MASP1: variants seen among roughly 807,000 people sequenced by gnomAD.
MASP1 encodes MBL associated serine protease 1.
MASP1 carries 59 observed loss-of-function variants against 77.1 expected under a neutral mutation model. The ratio of observed to expected loss-of-function variants is 0.77; its 90% CI spans 0.62 to 0.95. MASP1 has a LOEUF of 0.95. Ranked by LOEUF, MASP1 falls within the 40% of genes least tolerant of loss-of-function variation. MASP1 has a pLI of 0.00. For missense variants in MASP1, 885 were observed against 912.9 expected (o/e 0.97, Z 0.39); for synonymous variants, 362 against 354.5 (o/e 1.02, Z -0.24).
Position 187,234,346 on chromosome 3 carries a change from A to C in MASP1, c.*1338T>G, listed in dbSNP as rs990058007. The C allele has an allele frequency of 4.7e-6, 6 of 1,287,006 alleles. No homozygotes were observed. In the African/African-American group the frequency reaches 9.1e-5, roughly 20 times the overall value. The allele number at this position is 1,287,006 out of a possible 1,614,324, so 79.7% of individuals were successfully genotyped here. The stretch of plus-strand genomic sequence containing the variant: ...AGAGAGAGCTCCAGGGAGAAGGAGA[A>C]CAATCAGCCCTGTGAGGGCCAGAGA... On this transcript the variant is annotated 3_prime_UTR_variant, in exon 11 of 11. Coordinates refer to ENST00000296280, the MANE Select transcript of MASP1 (RefSeq NM_139125.4).
downstream of MASP1, among the ~76,000 whole-genome samples, chr3:187,230,686 A>C (rs1031737288): frequency 2.6e-5 from 4 of 152,112 alleles, no homozygotes; most frequent in African/African-American, 9.7e-5. Context: ...ACACGCTCCC[A>C]CATACACACT....
rs117441669 is a variant in MASP1, at chr3:187,265,990, A to T, written c.238-3270T>A. Reference sequence around the variant, plus strand: ...ATATGGAGTTCTATAAAGATCATTTACCTCTGAGTATAGGCAGATTGAGAC... The same window carrying T: ...ATATGGAGTTCTATAAAGATCATTTTCCTCTGAGTATAGGCAGATTGAGAC... On this transcript the variant is annotated intron_variant, in intron 2 of 10. Coordinates refer to ENST00000296280, the MANE Select transcript of MASP1 (RefSeq NM_139125.4). 6.9e-4 allele frequency among the ~76,000 whole-genome samples: 105 copies of T among 152,258 alleles called. 3 individuals are homozygous for T. The East Asian group carries it at 0.017, about 24-fold the overall frequency.
At chr3:187,275,313 CAG>C (rs775921627) in intron 2 of MASP1, among the ~76,000 whole-genome samples, 1 of 152,156 alleles carries the variant, frequency 6.6e-6, no homozygotes, top group African/African-American at 2.4e-5. Flanking sequence ...TGTCTTCCAG[CAG>C]AGTTTCAAGG....
chr3:187,270,168 C>G (rs984487521), intron 2 of MASP1, among the ~76,000 whole-genome samples: 2 of 152,224 alleles, frequency 1.3e-5, no homozygotes, highest in African/African-American at 4.8e-5. Flanking sequence ...AAGCAGTATA[C>G]TATTTCCAAA....
chr3:187,253,092 C>T, intron 6 of MASP1, 76 bp downstream of exon 6: 3 of 1,591,734 alleles, frequency 1.9e-6, no homozygotes, highest in Non-Finnish European at 2.6e-6. Flanking sequence ...CAAGCCTGCA[C>T]ACCTCCTCCC....
chr3:187,268,422 A>C (rs1040887841), intron 2 of MASP1, among the ~76,000 whole-genome samples: 2 of 151,688 alleles, frequency 1.3e-5, no homozygotes, highest in African/African-American at 4.8e-5. Context: ...GGGAGGTTGA[A>C]GCTGCAGTGA....
At position 187,234,192 on chromosome 3, in the gene MASP1, A is replaced by T. The variant is rs1315189043; in HGVS notation, c.*1492T>A. 1 of 1,287,176 alleles carries T rather than the reference A, an allele frequency of 7.8e-7. No homozygotes were observed. Among genetic ancestry groups the T allele is most frequent in the Non-Finnish European group, 1.0e-6 (1 of 988,660 alleles). 79.7% of individuals were successfully genotyped at this position (1,287,176 alleles called of 1,614,324 possible). On this transcript the variant is annotated 3_prime_UTR_variant, in exon 11 of 11. Coordinates refer to ENST00000296280, the MANE Select transcript of MASP1 (RefSeq NM_139125.4). Reference sequence around the variant, plus strand: ...TATGATATAAAAGATACAAAATATAACATCATTTACATGTGCCATTCATAG... The same window carrying T: ...TATGATATAAAAGATACAAAATATATCATCATTTACATGTGCCATTCATAG...
chr3:187,261,925 T>C (rs899206723), intron 3 of MASP1, among the ~76,000 whole-genome samples: 2 of 152,214 alleles, frequency 1.3e-5, no homozygotes, highest in Admixed American at 6.5e-5. Context: ...ATGCGACACA[T>C]GAATTAACTT....
intron 2 of MASP1, among the ~76,000 whole-genome samples, chr3:187,275,739 C>T (rs1434202629): frequency 1.3e-5 from 2 of 152,066 alleles, no homozygotes; most frequent in East Asian, 1.9e-4. Flanking sequence ...ATCTGAATGT[C>T]GAATGATAAG....
At chr3:187,250,990 C>T (rs1442520104) in intron 7 of MASP1, among the ~76,000 whole-genome samples, 1 of 152,070 alleles carries the variant, frequency 6.6e-6, no homozygotes, top group Non-Finnish European at 1.5e-5. Flanking sequence ...TGGAGTTTTG[C>T]TCTTGTCACC....
rs1005521868 is a variant in MASP1, at chr3:187,221,233, G to A, written c.1810-99C>T. ...GCTCCTCTCCACTCCATACCTGGACGGACCTGTGTCTACCTTAGACTTGAT... is the reference window on the plus strand; with the variant it reads ...GCTCCTCTCCACTCCATACCTGGACAGACCTGTGTCTACCTTAGACTTGAT... On this transcript the variant is annotated intron_variant, in intron 14 of 15. Coordinates refer to the MASP1 transcript ENST00000337774. The A allele has an allele frequency of 5.0e-5, 40 of 803,980 alleles. No individual in the cohort carries two copies. In the Admixed American group the frequency reaches 7.8e-4, roughly 16 times the overall value. 49.8% of individuals were successfully genotyped at this position (803,980 alleles called of 1,614,324 possible).
chr3:187,225,731 C>T (rs1026146868), intron 12 of MASP1, among the ~76,000 whole-genome samples: 1 of 152,180 alleles, frequency 6.6e-6, no homozygotes, highest in Non-Finnish European at 1.5e-5. Flanking sequence ...ATGCTGTTGC[C>T]TTGTAATGCT....
At chr3:187,245,884 C>T (rs758232978) in intron 8 of MASP1, among the ~76,000 whole-genome samples, 13 of 152,202 alleles carry the variant, frequency 8.5e-5, no homozygotes, top group Admixed American at 7.8e-4. Flanking sequence ...CATTTCTTGA[C>T]CTACAGTTCC....
exon 16 of MASP1, chr3:187,218,754 G>T (rs1382684593): frequency 1.3e-5 from 2 of 152,340 alleles, no homozygotes; most frequent in East Asian, 3.9e-4. Flanking sequence ...TCCCTTGGAG[G>T]GCTTATATCT....
chr3:187,289,954 C>T (rs16861889), intron 1 of MASP1, among the ~76,000 whole-genome samples: 187 of 152,334 alleles, frequency 1.2e-3, no homozygotes, highest in South Asian at 5.8e-3. Flanking sequence ...CCATGTGAGA[C>T]AAGACCTGCT....
intron 11 of MASP1, among the ~76,000 whole-genome samples, chr3:187,229,081 A>G (rs1313307547): frequency 6.6e-6 from 1 of 152,178 alleles, no homozygotes; most frequent in African/African-American, 2.4e-5. Context: ...CTAGATTGCT[A>G]TTCAGTTTTC....
chr3:187,251,908 G>C (rs1383488874), intron 6 of MASP1, among the ~76,000 whole-genome samples, 156 bp from the exon 7 acceptor site: 1 of 152,198 alleles, frequency 6.6e-6, no homozygotes, highest in Non-Finnish European at 1.5e-5. Context: ...GACTAATTCT[G>C]GAACCGTGAA....
chr3:187,281,803 G>A (rs558840041), intron 2 of MASP1, among the ~76,000 whole-genome samples: 1 of 152,290 alleles, frequency 6.6e-6, no homozygotes, highest in African/African-American at 2.4e-5. Context: ...CTGAACAGAG[G>A]AAAAAACAGA....
intron 13 of MASP1, among the ~76,000 whole-genome samples, chr3:187,224,589 G>A (rs1231673236): frequency 1.3e-5 from 2 of 151,768 alleles, no homozygotes; most frequent in Non-Finnish European, 2.9e-5. Flanking sequence ...CTCGTGATCC[G>A]CCCGCCTCGG....
Sources: gnomAD v4.1 joint callset for allele counts (sites outside exome capture counted in the v4.1 genomes callset) on GRCh38, gnomAD v4.1.1 for gene constraint, MANE v1.5 for transcripts, NCBI Gene and HGNC (gene_info 2026-07-23, HGNC 2026-07-21) for gene names.